Variants in EDA observed in about 807,000 individuals in gnomAD.
EDA encodes the protein ectodysplasin-A.
EDA carries 2 observed loss-of-function variants against 23.6 expected under a neutral mutation model. The observed-to-expected ratio is 0.08, with a 90% CI of 0.03 to 0.27. The LOEUF (loss-of-function observed/expected upper bound fraction) is 0.27, where lower values mean the gene tolerates loss of function less well. EDA is among the 10% of genes least tolerant of loss of function. EDA has a pLI of 1.00. For synonymous variants in EDA, 131 were observed against 132.0 expected (o/e 0.99, Z 0.05); for missense variants, 229 against 324.2 (o/e 0.71, Z 2.26).
At chrX:69,958,769 A>C (rs1488877892) in intron 2 of EDA, among the ~76,000 whole-genome samples, 1 of 111,647 alleles carries the variant, frequency 9.0e-6, no homozygotes, top group Non-Finnish European at 1.9e-5. Context: ...CAGGGAGCTA[A>C]GAAGCATGGA....
chrX:69,867,564 G>C (rs1464376593), intron 1 of EDA, among the ~76,000 whole-genome samples: 1 of 112,303 alleles, frequency 8.9e-6, no homozygotes, highest in Non-Finnish European at 1.9e-5. Flanking sequence ...AACTAGCATT[G>C]CTCGAAGTTC....
intron 1 of EDA, among the ~76,000 whole-genome samples, chrX:69,678,016 A>G (rs1338294565): frequency 9.0e-6 from 1 of 110,829 alleles, no homozygotes; most frequent in Non-Finnish European, 1.9e-5. Flanking sequence ...TAAGGAAGGG[A>G]CCCAGTTTCA....
chrX:69,677,097 C>G lies in EDA; in HGVS notation c.396+60393C>G, dbSNP rs769153132. 4.3e-3 allele frequency among the ~76,000 whole-genome samples: 416 copies of G among 96,601 alleles called. 1 individual carries two copies. The highest frequency in any genetic ancestry group is 0.015 in the African/African-American group (392 of 26,313). The allele number at this position is 96,601 out of a possible 115,157, so 83.9% of individuals were successfully genotyped here. On this transcript the variant is annotated intron_variant, in intron 1 of 7. Coordinates refer to ENST00000374552, the MANE Select transcript of EDA (RefSeq NM_001399.5). ...TGCGGTGTTTGGTTTTTTGTTCTTG[C>G]GATAGTTTACTGAGAATGATGATTT...
chrX:69,856,393 C>A (rs5936513), intron 1 of EDA, among the ~76,000 whole-genome samples: 6,505 of 107,564 alleles, frequency 0.06, 205 homozygotes, highest in Middle Eastern at 0.095. Flanking sequence ...AGTGGGATTG[C>A]TGTATCAAAT....
At chrX:69,775,463 G>C (rs898893651) in intron 1 of EDA, among the ~76,000 whole-genome samples, 2 of 111,563 alleles carry the variant, frequency 1.8e-5, no homozygotes, top group Non-Finnish European at 3.8e-5. Context: ...TGTGACTGAG[G>C]AGAATAATAT....
At chrX:69,623,128 T>C (rs1932246123) in intron 1 of EDA, among the ~76,000 whole-genome samples, 1 of 112,439 alleles carries the variant, frequency 8.9e-6, no homozygotes, top group Admixed American at 9.4e-5. Flanking sequence ...TTTCACCTTG[T>C]TCCTCTTATT....
chrX:69,798,104 C>G (rs1197096176), intron 1 of EDA, among the ~76,000 whole-genome samples: 1 of 111,205 alleles, frequency 9.0e-6, no homozygotes, highest in African/African-American at 3.3e-5. Flanking sequence ...AGGGATCAAT[C>G]CAGTAGGAAG....
chrX:69,837,507 T>C (rs2016803835), intron 1 of EDA, among the ~76,000 whole-genome samples: 1 of 112,189 alleles, frequency 8.9e-6, no homozygotes, highest in Non-Finnish European at 1.9e-5. Context: ...GTTGTAACAG[T>C]TTTCTATAAT....
Position 70,038,684 on chromosome X carries a change from A to G in EDA, c.*3075A>G, listed in dbSNP as rs1302713652. ...TTCTTTTGCTGAACAGGAAAGAGCT[A>G]GGAACCCTGGAGGTAAACAAAGACT... On this transcript the variant is annotated 3_prime_UTR_variant, in exon 8 of 8. Coordinates refer to ENST00000374552, the MANE Select transcript of EDA (RefSeq NM_001399.5). 1 of 112,460 alleles carries G rather than the reference A, an allele frequency of 8.9e-6. No individual in the cohort carries two copies. The highest frequency in any genetic ancestry group is 1.9e-5 in the Non-Finnish European group (1 of 53,260). 9.3% of individuals were successfully genotyped at this position (112,460 alleles called of 1,213,427 possible).
intron 3 of EDA, among the ~76,000 whole-genome samples, chrX:70,024,220 G>A (rs751404176): frequency 8.0e-5 from 9 of 112,396 alleles, no homozygotes; most frequent in South Asian, 7.4e-4. Context: ...TGTCAACCCC[G>A]GACTAGGCCA....
chrX:69,787,648 T>C (rs2015240324), intron 1 of EDA, among the ~76,000 whole-genome samples: 1 of 111,761 alleles, frequency 8.9e-6, no homozygotes, highest in African/African-American at 3.3e-5. Context: ...GTAGAGTTTC[T>C]GCCGAGAGAT....
chrX:69,769,652 C>G (rs939965497), intron 1 of EDA, among the ~76,000 whole-genome samples: 1 of 110,827 alleles, frequency 9.0e-6, no homozygotes, highest in Non-Finnish European at 1.9e-5. Flanking sequence ...ATTGCAAAGC[C>G]TTTGTTGGAT....
chrX:69,840,803 G>A (rs2016879426), intron 1 of EDA, among the ~76,000 whole-genome samples: 1 of 111,931 alleles, frequency 8.9e-6, no homozygotes, highest in African/African-American at 3.2e-5. Flanking sequence ...TTCCAAAATG[G>A]TGCCTTGTTG....
chrX:69,824,881 C>T (rs1370968903), intron 1 of EDA, among the ~76,000 whole-genome samples: 1 of 74,405 alleles, frequency 1.3e-5, no homozygotes. Context: ...CCATCAATAC[C>T]TAATTTATTG....
chrX:69,706,411 AG>A (rs1356081480), intron 1 of EDA, among the ~76,000 whole-genome samples: 1 of 112,171 alleles, frequency 8.9e-6, no homozygotes, highest in African/African-American at 3.2e-5. Context: ...ATCGATGAAA[AG>A]TGTCAAACTC....
Position 69,826,094 on chromosome X carries a change from T to G in EDA, c.397-130933T>G, listed in dbSNP as rs746991644. Reference sequence around the variant, plus strand: ...TGTTATAATTTCTGTTCTTTTACATTTGCTGAGGAGAGCTTTACTTCCAAG... The same window carrying G: ...TGTTATAATTTCTGTTCTTTTACATGTGCTGAGGAGAGCTTTACTTCCAAG... On this transcript the variant is annotated intron_variant, in intron 1 of 7. Coordinates refer to ENST00000374552, the MANE Select transcript of EDA (RefSeq NM_001399.5). Among the ~76,000 whole-genome samples, 97 of 110,588 alleles carry G rather than the reference T, an allele frequency of 8.8e-4. 1 individual carries two copies. The highest frequency in any genetic ancestry group is 2.5e-3 in the African/African-American group (77 of 30,308).
chrX:69,714,431 C>A (rs1257131548), intron 1 of EDA, among the ~76,000 whole-genome samples: 1 of 111,487 alleles, frequency 9.0e-6, no homozygotes, highest in South Asian at 3.7e-4. Context: ...TCAATTTTTT[C>A]TTTTATAGAT....
chrX:69,683,077 A>T (rs1934429227), intron 1 of EDA, among the ~76,000 whole-genome samples: 1 of 111,518 alleles, frequency 9.0e-6, no homozygotes, highest in Non-Finnish European at 1.9e-5. Context: ...AATAGGGATA[A>T]TATTAATACC....
At chrX:69,850,822 A>G (rs2017109307) in intron 1 of EDA, among the ~76,000 whole-genome samples, 1 of 112,219 alleles carries the variant, frequency 8.9e-6, no homozygotes, top group African/African-American at 3.2e-5. Flanking sequence ...TCCTGGATGT[A>G]TCATGCTGTT....
Sources: gnomAD v4.1 joint callset for allele counts (sites outside exome capture counted in the v4.1 genomes callset) on GRCh38, gnomAD v4.1.1 for gene constraint, MANE v1.5 for transcripts, NCBI Gene and HGNC (gene_info 2026-07-23, HGNC 2026-07-21) for gene names.